The following KYNU variants were observed in gnomAD, a reference collection of about 807,000 sequenced individuals.
KYNU encodes L-kynurenine hydrolase.
A neutral mutation model predicts 59.2 loss-of-function variants in KYNU; 54 were observed. The observed-to-expected ratio is 0.91, with a 90% CI of 0.73 to 1.14. The LOEUF (loss-of-function observed/expected upper bound fraction) is 1.14, where lower values mean the gene tolerates loss of function less well. KYNU is among the 50% of genes most tolerant of loss of function. The pLI is 0.00. For synonymous variants in KYNU, 177 were observed against 192.0 expected (o/e 0.92, Z 0.65); for missense variants, 567 against 554.4 (o/e 1.02, Z -0.23).
At chr2:142,965,488 G>C (rs1251330571) in intron 8 of KYNU, among the ~76,000 whole-genome samples, 1 of 152,170 alleles carries the variant, frequency 6.6e-6, no homozygotes, top group African/African-American at 2.4e-5. Flanking sequence ...AATTATGTCT[G>C]AGTGCCATCT....
intron 1 of KYNU, chr2:142,879,657 C>T (rs1037143760): frequency 6.6e-6 from 1 of 152,208 alleles, no homozygotes; most frequent in Admixed American, 6.5e-5. Context: ...GACTCAGCAT[C>T]TCAGGCATGG....
At position 143,040,614 on chromosome 2, in the gene KYNU, C is replaced by T. The variant is rs774216557; in HGVS notation, c.1228C>T (p.Pro410Ser). ...CCAGCTAACAATAACATTTTCTGTT[C>T]CAAACAAAGATGTTTTCCAAGAACT... ...GCQLTITFSV[P>S]NKDVFQELEK... Residue 410 changes from proline (P) to serine (S), a missense_variant, in exon 13 of 14, where the codon CCA (proline) becomes TCA (serine). Coordinates refer to ENST00000264170, the MANE Select transcript of KYNU (RefSeq NM_003937.3). 9.3e-6 allele frequency: 15 copies of T among 1,609,792 alleles called. No individual in the cohort carries two copies. In the South Asian group the frequency reaches 1.5e-4, roughly 17 times the overall value.
In KYNU at chr2:143,036,923, C is replaced by T. The variant is rs181559901; in HGVS notation, c.1042-3505C>T. 3.7e-4 allele frequency among the ~76,000 whole-genome samples: 57 copies of T among 152,202 alleles called. 1 individual carries two copies. The highest frequency in any genetic ancestry group is 2.7e-3 in the Admixed American group (42 of 15,294). The stretch of plus-strand genomic sequence containing the variant: ...AAGAAATATTCAACACAGTCAAATA[C>T]GAACTGGAGGAGAGATTCTATACTT... On this transcript the variant is annotated intron_variant, in intron 12 of 13. Transcript: ENST00000264170.
At chr2:142,937,433 G>T (rs544538244) in intron 4 of KYNU, among the ~76,000 whole-genome samples, 1 of 152,152 alleles carries the variant, frequency 6.6e-6, no homozygotes, top group South Asian at 2.1e-4. Flanking sequence ...TTCCCAGCAC[G>T]ATGGGCAAAT....
intron 4 of KYNU, among the ~76,000 whole-genome samples, chr2:142,938,700 C>G (rs1683475102): frequency 6.6e-6 from 1 of 152,050 alleles, no homozygotes; most frequent in African/African-American, 2.4e-5. Context: ...ACCCAAATTA[C>G]AAAACTTTTC....
intron 10 of KYNU, among the ~76,000 whole-genome samples, chr2:142,999,854 T>C (rs1685660673): frequency 6.6e-6 from 1 of 152,116 alleles, no homozygotes; most frequent in Admixed American, 6.5e-5. Flanking sequence ...GTTATAGTAA[T>C]CCACTTAAAT....
chr2:143,023,347 A>G (rs1686460383), intron 10 of KYNU, among the ~76,000 whole-genome samples: 1 of 151,908 alleles, frequency 6.6e-6, no homozygotes, highest in South Asian at 2.1e-4. Flanking sequence ...TCAGCAATAT[A>G]TACTTTTTGG....
Position 142,882,170 on chromosome 2 carries a change from T to C in KYNU, c.-19-3179T>C, listed in dbSNP as rs141512961. Among the ~76,000 whole-genome samples the C allele has an allele frequency of 1.6e-4, 25 of 152,172 alleles. No individual in the cohort carries two copies. In the East Asian group the frequency reaches 4.8e-3, roughly 29 times the overall value. On this transcript the variant is annotated intron_variant, in intron 1 of 13. Transcript: ENST00000264170. Reference sequence around the variant, plus strand: ...CTAGAAGAAAGCTCCTTTCCTGTCCTCACTAGAAATAATCTATCCACCAGT... The same window carrying C: ...CTAGAAGAAAGCTCCTTTCCTGTCCCCACTAGAAATAATCTATCCACCAGT...
intron 4 of KYNU, among the ~76,000 whole-genome samples, chr2:142,944,420 A>G (rs1056235587): frequency 1.3e-5 from 2 of 152,196 alleles, no homozygotes; most frequent in African/African-American, 4.8e-5. Context: ...ATAAGCAGAG[A>G]AGCACTCTTT....
chr2:142,971,467 C>G (rs941565566), intron 8 of KYNU: 1 of 152,166 alleles, frequency 6.6e-6, no homozygotes, highest in African/African-American at 2.4e-5. Flanking sequence ...AACATTTTCT[C>G]ACTTTTCTGT....
chr2:142,901,832 T>C (rs915260755), intron 2 of KYNU, among the ~76,000 whole-genome samples: 1 of 152,212 alleles, frequency 6.6e-6, no homozygotes, highest in South Asian at 2.1e-4. Flanking sequence ...GTCCTTTTTT[T>C]ACAAAGGAAT....
In KYNU at chr2:142,910,375, A is replaced by G. The variant is rs549263518; in HGVS notation, c.170-8234A>G. ...ATGGTCTCAATCTCCTGACCTCGTG[A>G]TCTGCCCGCCTCTGCCTCTATTCTT... On this transcript the variant is annotated intron_variant, in intron 2 of 13. Coordinates refer to ENST00000264170, the MANE Select transcript of KYNU (RefSeq NM_003937.3). Among the ~76,000 whole-genome samples the G allele has an allele frequency of 4.0e-5, 6 of 151,844 alleles. 1 individual carries two copies. The highest frequency in any genetic ancestry group is 8.8e-5 in the Non-Finnish European group (6 of 67,954).
chr2:142,954,414 A>G (rs1169701872), intron 4 of KYNU, among the ~76,000 whole-genome samples: 3 of 152,104 alleles, frequency 2.0e-5, no homozygotes, highest in African/African-American at 7.2e-5. Context: ...GTTAGAAACA[A>G]CGAACTTTAA....
At chr2:143,015,880 AT>A (rs1686232373) in intron 10 of KYNU, among the ~76,000 whole-genome samples, 1 of 152,222 alleles carries the variant, frequency 6.6e-6, no homozygotes, top group Non-Finnish European at 1.5e-5. Flanking sequence ...AGTGAAATTC[AT>A]TGATAGGTTC....
chr2:143,015,148 C>T (rs1274154998), intron 10 of KYNU, among the ~76,000 whole-genome samples: 1 of 152,138 alleles, frequency 6.6e-6, no homozygotes, highest in Admixed American at 6.5e-5. Flanking sequence ...GTCTTGGCCT[C>T]TCAATTGATG....
chr2:142,947,555 T>C (rs1683833163), intron 4 of KYNU: 1 of 183,814 alleles, frequency 5.4e-6, no homozygotes, highest in Admixed American at 5.5e-5. Context: ...TGCAAAAACA[T>C]TCATTCCATT....
intron 2 of KYNU, among the ~76,000 whole-genome samples, chr2:142,898,199 C>T (rs550116095): frequency 1.2e-4 from 19 of 152,160 alleles, no homozygotes; most frequent in Non-Finnish European, 2.4e-4. Flanking sequence ...TCAAAACCAG[C>T]AAATCATACA....
rs962985428 is a variant in KYNU at position 143,049,126 on chromosome 2, G to T, written c.*6954G>T. 2 of 151,856 alleles carry T rather than the reference G, an allele frequency of 1.3e-5. No homozygotes were observed. The highest frequency in any genetic ancestry group is 2.9e-5 in the Non-Finnish European group (2 of 67,966). 9.4% of individuals were successfully genotyped at this position (151,856 alleles called of 1,614,324 possible). A position where few individuals can be genotyped will look rare whatever the true frequency, so the allele number is the denominator to read the frequency against. On this transcript the variant is annotated 3_prime_UTR_variant, in exon 14 of 14. Transcript: ENST00000264170. ...ATTATTTCCTTTTTAAAATAAAAGG[G>T]TATATGTTAGAATTTTTCACTCTCT...
At chr2:143,040,701 G>A (rs780157491) in intron 13 of KYNU, 43 bp downstream of exon 13, 31 of 1,242,030 alleles carry the variant, frequency 2.5e-5, no homozygotes, top group Non-Finnish European at 3.1e-5. Flanking sequence ...TCTATGGGCC[G>A]CATGTTAGGG....
Sources: allele counts gnomAD v4.1 joint callset (sites outside exome capture counted in the v4.1 genomes callset), GRCh38; gene constraint gnomAD v4.1.1; transcripts MANE v1.5; gene names NCBI Gene and HGNC (gene_info 2026-07-23, HGNC 2026-07-21).